BPIFB6: variants seen among roughly 807,000 people sequenced by gnomAD.
BPIFB6 encodes the protein BPI fold-containing family B member 6.
BPIFB6 carries 47 observed loss-of-function variants against 54.7 expected under a neutral mutation model. That is an observed-to-expected ratio of 0.86 (90% CI 0.68 to 1.10). BPIFB6 has a LOEUF of 1.10. BPIFB6 is among the 50% of genes least tolerant of loss of function. The pLI, the probability that BPIFB6 is intolerant of heterozygous loss-of-function variation, is 0.00. For missense variants in BPIFB6, 603 were observed against 564.1 expected (o/e 1.07, Z -0.70); for synonymous variants, 255 against 225.9 (o/e 1.13, Z -1.16).
At chr20:33,041,082 C>T (rs1033419740) in intron 11 of BPIFB6, among the ~76,000 whole-genome samples, 3 of 151,348 alleles carry the variant, frequency 2.0e-5, no homozygotes, top group Admixed American at 2.0e-4. Flanking sequence ...CTCCGCCTCC[C>T]GGGTTCATGC....
In BPIFB6 at chr20:33,042,144, C is replaced by T. The variant is rs550235541; in HGVS notation, c.1188+129C>T. On this transcript the variant is annotated intron_variant, in intron 12 of 14. Coordinates refer to ENST00000349552, the MANE Select transcript of BPIFB6 (RefSeq NM_174897.2). ...AGAGCAAGGCCACTGTGAGGCGTGG[C>T]GCACCTGACTTGCCGTGTGAGCTTA... The T allele has an allele frequency of 1.2e-4, 106 of 879,670 alleles. No individual in the cohort carries two copies. In the Middle Eastern group the frequency reaches 1.5e-3, roughly 13 times the overall value. 54.5% of individuals were successfully genotyped at this position (879,670 alleles called of 1,614,324 possible). A position where few individuals can be genotyped will look rare whatever the true frequency, so the allele number is the denominator to read the frequency against.
chr20:33,033,311 G>A, intron 2 of BPIFB6: 1 of 631,482 alleles, frequency 1.6e-6, no homozygotes, highest in Middle Eastern at 2.5e-4. Context: ...AGTGAGCAGG[G>A]TCATTTTGAG....
At position 33,036,445 on chromosome 20, in the gene BPIFB6, A is replaced by C. The variant is rs1425196137; in HGVS notation, c.578A>C (p.Asp193Ala). Residue 193 changes from aspartate to alanine, a missense_variant and splice_region_variant, in exon 7 of 15, where the codon GAC (aspartate) becomes GCC (alanine). By Grantham distance (126) the Asp-to-Ala change is moderately radical (BLOSUM62 -2). Transcript: ENST00000349552. ...TGAGTGGAACCTCCTTTTCACACAG[A>C]CCCCATGCCTGTGGGCCAGATGGGC... ...YVNRKWTNLSDPMPVGQMGTV... is the reference protein window; with the variant it reads ...YVNRKWTNLSAPMPVGQMGTV... 5 of 1,610,404 alleles carry C rather than the reference A, an allele frequency of 3.1e-6. No homozygotes were observed. The Admixed American group carries it at 8.4e-5, about 27-fold the overall frequency.
chr20:33,037,855 T>G lies in BPIFB6; in HGVS notation c.846+117T>G. On this transcript the variant is annotated intron_variant, in intron 8 of 14. Coordinates refer to ENST00000349552, the MANE Select transcript of BPIFB6 (RefSeq NM_174897.2). ...TGTGGGCAACACTAGGACTGGAAGA[T>G]GCAGGACCGATTTGAGTTTCTCTCA... 3 of 1,139,322 alleles carry G rather than the reference T, an allele frequency of 2.6e-6. No individual in the cohort carries two copies. The South Asian group carries it at 4.2e-5, about 16-fold the overall frequency. The allele number at this position is 1,139,322 out of a possible 1,614,324, so 70.6% of individuals were successfully genotyped here.
At chr20:33,041,357 C>G (rs1332635849) in intron 11 of BPIFB6, among the ~76,000 whole-genome samples, 1 of 152,158 alleles carries the variant, frequency 6.6e-6, no homozygotes, top group Non-Finnish European at 1.5e-5. Flanking sequence ...CCTTGAGAAT[C>G]TATCTCCTTC....
In BPIFB6 at chr20:33,039,536, C is replaced by G; in HGVS notation, c.1074+16C>G. On this transcript the variant is annotated intron_variant, in intron 10 of 14. Coordinates refer to ENST00000349552, the MANE Select transcript of BPIFB6 (RefSeq NM_174897.2). ...CCTAGAAGTGGTGAGGGAAATCGTT[C>G]CCTTCCCCATTTATTCCCAATCTCT... The G allele has an allele frequency of 1.9e-6, 3 of 1,591,180 alleles. No homozygotes were observed. Among genetic ancestry groups the G allele is most frequent in the Non-Finnish European group, 2.6e-6 (3 of 1,169,426 alleles).
chr20:33,036,439 A>C lies in BPIFB6; in HGVS notation c.578-6A>C. The C allele has an allele frequency of 1.2e-6, 2 of 1,608,992 alleles. No individual in the cohort carries two copies. The highest frequency in any genetic ancestry group is 1.7e-6 in the Non-Finnish European group (2 of 1,177,364). The stretch of plus-strand genomic sequence containing the variant: ...CCTCTTTGAGTGGAACCTCCTTTTC[A>C]CACAGACCCCATGCCTGTGGGCCAG... On this transcript the variant is annotated splice_polypyrimidine_tract_variant and splice_region_variant and intron_variant, in intron 6 of 14. Coordinates refer to ENST00000349552, the MANE Select transcript of BPIFB6 (RefSeq NM_174897.2).
chr20:33,036,792 T>G (rs1979361187), intron 7 of BPIFB6, among the ~76,000 whole-genome samples: 1 of 152,208 alleles, frequency 6.6e-6, no homozygotes, highest in Non-Finnish European at 1.5e-5. Context: ...CTAGGCTGTT[T>G]GCTTCTCCTA....
rs1157818697 is a variant in BPIFB6 at position 33,035,119 on chromosome 20, C to G, written c.491C>G (p.Thr164Ser). ...ATGGTCAACAAGTTCCTGGACAGCA[C>G]CCTGCACAAAGTCCTCCCTGGGCTG... Reference protein sequence around the residue: ...PKMVNKFLDSTLHKVLPGLMC... With the variant: ...PKMVNKFLDSSLHKVLPGLMC... Residue 164 changes from threonine (T) to serine (S), a missense_variant, in exon 5 of 15, where the codon ACC becomes AGC. Transcript: ENST00000349552. The G allele has an allele frequency of 2.5e-6, 4 of 1,613,940 alleles. No individual in the cohort carries two copies. The highest frequency in any genetic ancestry group is 3.4e-6 in the Non-Finnish European group (4 of 1,180,014).
At position 33,031,684 on chromosome 20, in the gene BPIFB6, C is replaced by A; in HGVS notation, c.37C>A (p.Leu13Met). 6.2e-7 allele frequency: 1 copy of A among 1,614,096 alleles called. No homozygotes were observed. The highest frequency in any genetic ancestry group is 8.5e-7 in the Non-Finnish European group (1 of 1,180,010). ...CCTGTGCCTGGCACTCTGCAGCCTG[C>A]TGACTGGCACGCGAGCTGACCCTGG... Reference protein sequence around the residue: ...RILCLALCSLLTGTRADPGAL... With the variant: ...RILCLALCSLMTGTRADPGAL... The change falls in exon 1 of 15, where the codon CTG (leucine) becomes ATG (methionine). Residue 13 changes from leucine to methionine, a missense_variant. Leu to Met is a conservative substitution (Grantham distance 15). Coordinates refer to ENST00000349552, the MANE Select transcript of BPIFB6 (RefSeq NM_174897.2).
chr20:33,031,696 C>A lies in BPIFB6; in HGVS notation c.49C>A (p.Arg17=). The change falls in exon 1 of 15, where the codon CGA becomes AGA. Residue 17 remains arginine, a synonymous_variant. Transcript: ENST00000349552. ...LALCSLLTGT[R]ADPGALLRLG... ...ACTCTGCAGCCTGCTGACTGGCACGCGAGCTGACCCTGGGGCACTGCTGCG... is the reference window on the plus strand; with the variant it reads ...ACTCTGCAGCCTGCTGACTGGCACGAGAGCTGACCCTGGGGCACTGCTGCG... 6.2e-7 allele frequency: 1 copy of A among 1,614,104 alleles called. No homozygotes were observed. Among genetic ancestry groups the A allele is most frequent in the South Asian group, 1.1e-5 (1 of 91,076 alleles).
In BPIFB6 at chr20:33,034,819, G is replaced by T. The variant is rs768708685; in HGVS notation, c.359G>T (p.Arg120Leu). 1.9e-6 allele frequency: 3 copies of T among 1,613,848 alleles called. No homozygotes were observed. Among genetic ancestry groups the T allele is most frequent in the Non-Finnish European group, 2.5e-6 (3 of 1,179,860 alleles). ...GCCCTGAACATCACAGCCACCAACC[G>T]GCTTCTGCGGGATGAGGAGACAGGC... The part of the protein sequence containing the change: ...IVALNITATN[R>L]LLRDEETGLP... Residue 120 changes from arginine to leucine, a missense_variant, in exon 4 of 15, where the codon CGG becomes CTG. Arg to Leu is a moderately radical substitution (Grantham distance 102, BLOSUM62 -2). Transcript: ENST00000349552.
chr20:33,040,108 G>T lies in BPIFB6; in HGVS notation c.1075-143G>T, dbSNP rs905229867. ...CGCTACAGGGAGATGGCTGGGTTCA[G>T]TTCCTGAGGATGGGCAGAGAGAAGA... On this transcript the variant is annotated intron_variant, in intron 10 of 14. Coordinates refer to ENST00000349552, the MANE Select transcript of BPIFB6 (RefSeq NM_174897.2). 1.2e-5 allele frequency: 9 copies of T among 758,956 alleles called. No individual in the cohort carries two copies. The East Asian group carries it at 2.4e-4, about 20-fold the overall frequency. The allele number at this position is 758,956 out of a possible 1,614,324, so 47.0% of individuals were successfully genotyped here. A position where few individuals can be genotyped will look rare whatever the true frequency, so the allele number is the denominator to read the frequency against.
intron 14 of BPIFB6, 104 bp from the exon 15 acceptor site, chr20:33,043,911 C>A: frequency 1.4e-6 from 2 of 1,423,142 alleles, no homozygotes; most frequent in African/African-American, 1.4e-5. Flanking sequence ...TTTGCTTAAC[C>A]ACCACACTGG....
chr20:33,031,654 C>G lies in BPIFB6; in HGVS notation c.7C>G (p.Arg3Gly). 2 of 1,613,628 alleles carry G rather than the reference C, an allele frequency of 1.2e-6. No homozygotes were observed. Among genetic ancestry groups the G allele is most frequent in the African/African-American group, 2.7e-5 (2 of 75,050 alleles). The change falls in exon 1 of 15, where the codon CGG becomes GGG. Residue 3 changes from arginine (R) to glycine (G), a missense_variant. Arg to Gly is a moderately radical substitution (Grantham distance 125). Coordinates refer to ENST00000349552, the MANE Select transcript of BPIFB6 (RefSeq NM_174897.2). ...CCTTGGCACAGGTGGTGCCATGCTG[C>G]GGATCCTGTGCCTGGCACTCTGCAG... ML[R>G]ILCLALCSLL...
intron 7 of BPIFB6, 81 bp from the exon 8 acceptor site, chr20:33,037,481 C>T: frequency 2.1e-6 from 3 of 1,396,996 alleles, no homozygotes; most frequent in East Asian, 2.3e-5. Flanking sequence ...GCTGGAGCCC[C>T]ATTTGCTTGG....
At chr20:33,037,159 A>G (rs1979378191) in intron 7 of BPIFB6, among the ~76,000 whole-genome samples, 1 of 152,204 alleles carries the variant, frequency 6.6e-6, no homozygotes, top group Non-Finnish European at 1.5e-5. Flanking sequence ...AACGTGAAGT[A>G]AAATGGCAAG....
chr20:33,039,965 G>A (rs776225338), intron 10 of BPIFB6, among the ~76,000 whole-genome samples: 51 of 152,214 alleles, frequency 3.4e-4, no homozygotes, highest in Non-Finnish European at 7.1e-4. Context: ...AGAGGTTCCA[G>A]CATGTGCAAA....
rs751714465 is a variant in BPIFB6, at chr20:33,039,336, G to T, written c.901-11G>T. ...GGACTGGCCCTGAGTGAAGTGTTCTGGTTTCTGTAGGTGGCTGTAGCTTAT... is the reference window on the plus strand; with the variant it reads ...GGACTGGCCCTGAGTGAAGTGTTCTTGTTTCTGTAGGTGGCTGTAGCTTAT... On this transcript the variant is annotated splice_polypyrimidine_tract_variant and intron_variant, in intron 9 of 14. Transcript: ENST00000349552. 6.9e-6 allele frequency: 11 copies of T among 1,603,612 alleles called. No homozygotes were observed. The highest frequency in any genetic ancestry group is 2.7e-5 in the African/African-American group (2 of 74,104).
Sources: gnomAD v4.1 joint callset for allele counts (sites outside exome capture counted in the v4.1 genomes callset) on GRCh38, gnomAD v4.1.1 for gene constraint, MANE v1.5 for transcripts, NCBI Gene and HGNC (gene_info 2026-07-23, HGNC 2026-07-21) for gene names.